Variants in TRIB3 observed in about 807,000 individuals in gnomAD.
TRIB3 encodes the protein tribbles homolog 3.
TRIB3 carries 20 observed loss-of-function variants against 16.6 expected under a neutral mutation model. That is an observed-to-expected ratio of 1.20 (90% confidence interval 0.85 to 1.75). The LOEUF (loss-of-function observed/expected upper bound fraction) is 1.75. Ranked by LOEUF, TRIB3 falls within the 40% of genes most tolerant of loss-of-function variation. The pLI, the probability that TRIB3 is intolerant of heterozygous loss-of-function variation, is 0.00. For synonymous variants in TRIB3, 208 were observed against 217.0 expected (o/e 0.96, Z 0.36); for missense variants, 484 against 488.9 (o/e 0.99, Z 0.10).
chr20:391,647 G>C, intron 3 of TRIB3, 68 bp downstream of exon 3: 1 of 1,539,488 alleles, frequency 6.5e-7, no homozygotes, highest in South Asian at 1.2e-5. Flanking sequence ...GAGAGAAACC[G>C]AGGCCCAGGA....
intron 3 of TRIB3, among the ~76,000 whole-genome samples, chr20:392,810 G>A (rs942101268): frequency 3.3e-5 from 5 of 151,902 alleles, no homozygotes; most frequent in East Asian, 1.9e-4. Context: ...CGCCTGCCTC[G>A]GCCTCCCAAA....
intron 1 of TRIB3, chr20:382,514 C>G: frequency 1.3e-6 from 2 of 1,535,132 alleles, no homozygotes; most frequent in Non-Finnish European, 1.7e-6. Context: ...ATCCCAGCCT[C>G]GAACCTGGGG....
At position 396,484 on chromosome 20, in the gene TRIB3, C is replaced by A. The variant is rs758296486; in HGVS notation, c.871C>A (p.Leu291Met). The stretch of plus-strand genomic sequence containing the variant: ...AGGCCTCTCGGCCCCTGCCCGCTGT[C>A]TGGTTCGCTGCCTCCTTCGTCGGGA... ...PAGLSAPARCLVRCLLRREPA... is the reference protein window; with the variant it reads ...PAGLSAPARCMVRCLLRREPA... The change falls in exon 4 of 4, where the codon CTG (leucine) becomes ATG (methionine). Residue 291 changes from leucine to methionine, a missense_variant. Transcript: ENST00000217233. 2 of 1,612,884 alleles carry A rather than the reference C, an allele frequency of 1.2e-6. No homozygotes were observed. The highest frequency in any genetic ancestry group is 2.7e-5 in the African/African-American group (2 of 74,954).
Position 396,453 on chromosome 20 carries a change from G to C in TRIB3, c.840G>C (p.Leu280Phe), listed in dbSNP as rs1357412885. Residue 280 changes from leucine (L) to phenylalanine (F), a missense_variant, in exon 4 of 4, where the codon TTG (leucine) becomes TTC (phenylalanine). Leu to Phe is a conservative substitution (Grantham distance 22). Coordinates refer to ENST00000217233, the MANE Select transcript of TRIB3 (RefSeq NM_021158.5). ...FGKIRRGAYA[L>F]PAGLSAPARC... ...AGATCCGCCGCGGGGCCTACGCCTT[G>C]CCTGCAGGCCTCTCGGCCCCTGCCC... 6.2e-7 allele frequency: 1 copy of C among 1,612,634 alleles called. No individual in the cohort carries two copies. Among genetic ancestry groups the C allele is most frequent in the Non-Finnish European group, 8.5e-7 (1 of 1,179,994 alleles).
At chr20:391,001 CAAAAAAAAAAAA>C (rs11374668) in intron 2 of TRIB3, among the ~76,000 whole-genome samples, 1 of 85,780 alleles carries the variant, frequency 1.2e-5, no homozygotes, top group African/African-American at 4.4e-5. Context: ...GACTCCGTCT[CAAAAAAAAAAAA>C]AAAAAAAAAA....
chr20:396,566 ACCCGATG>A lies in TRIB3; in HGVS notation c.957_963del (p.Met320Ter), dbSNP rs755926988. On this transcript the variant is annotated frameshift_variant, in exon 4 of 4. Transcript: ENST00000217233. LOFTEE classifies it low-confidence loss of function (END_TRUNC). ...CTCCTGCACCCCTGGCTGCGACAGG[ACCCGATG>A]CCCTTAGCCCCAACCCGATCCCATC... 2.5e-6 allele frequency: 4 copies of A among 1,613,126 alleles called. No individual in the cohort carries two copies. The African/African-American group carries it at 5.3e-5, about 21-fold the overall frequency.
intron 2 of TRIB3, among the ~76,000 whole-genome samples, chr20:389,254 A>G (rs533025543): frequency 6.6e-6 from 1 of 152,308 alleles, no homozygotes; most frequent in African/African-American, 2.4e-5. Context: ...TACTTGCCAC[A>G]TGACAGAGCC....
chr20:396,537 C>T lies in TRIB3; in HGVS notation c.924C>T (p.Gly308=), dbSNP rs1360839919. The change falls in exon 4 of 4, where the codon GGC becomes GGT. Residue 308 remains glycine (G), a synonymous_variant. Transcript: ENST00000217233. ...CAGCTGAACGGCTCACAGCCACAGG[C>T]ATCCTCCTGCACCCCTGGCTGCGAC... ...REPAERLTAT[G]ILLHPWLRQD... 8.1e-6 allele frequency: 13 copies of T among 1,613,058 alleles called. No individual in the cohort carries two copies. The highest frequency in any genetic ancestry group is 1.1e-5 in the Non-Finnish European group (13 of 1,180,044).
intron 2 of TRIB3, among the ~76,000 whole-genome samples, 185 bp from the exon 3 acceptor site, chr20:391,102 C>T (rs138812984): frequency 2.2e-4 from 34 of 151,896 alleles, no homozygotes; most frequent in African/African-American, 8.2e-4. Context: ...CTTCGTTAAC[C>T]GTAAAATGGA....
intron 1 of TRIB3, among the ~76,000 whole-genome samples, chr20:383,561 A>C (rs1342404901): frequency 6.6e-6 from 1 of 151,730 alleles, no homozygotes; most frequent in Non-Finnish European, 1.5e-5. Flanking sequence ...CCCTACTTCA[A>C]CCTCCTGCAT....
At chr20:395,468 C>CT (rs147798995) in intron 3 of TRIB3, among the ~76,000 whole-genome samples, 12,790 of 149,906 alleles carry the variant, frequency 0.085, 686 homozygotes, top group South Asian at 0.27. Context: ...GCCTTACACA[C>CT]TTTTTTTTTT....
intron 3 of TRIB3, among the ~76,000 whole-genome samples, chr20:395,361 G>A (rs893247120): frequency 1.3e-5 from 2 of 151,832 alleles, no homozygotes; most frequent in Non-Finnish European, 2.9e-5. Context: ...GGTTTTTACC[G>A]TGTTGCCCAG....
intron 1 of TRIB3, among the ~76,000 whole-genome samples, chr20:386,570 G>A (rs767880410): frequency 1.1e-4 from 16 of 151,986 alleles, no homozygotes; most frequent in African/African-American, 2.2e-4. Flanking sequence ...CACCACGCCC[G>A]GCTAATTTTT....
chr20:390,152 C>A (rs1004403900), intron 2 of TRIB3, among the ~76,000 whole-genome samples: 1 of 152,038 alleles, frequency 6.6e-6, no homozygotes, highest in African/African-American at 2.4e-5. Flanking sequence ...CATGGTGAAA[C>A]CTTGTTTCTA....
At chr20:382,163 C>T (rs1439750096) in intron 1 of TRIB3, among the ~76,000 whole-genome samples, 1 of 151,898 alleles carries the variant, frequency 6.6e-6, no homozygotes, top group Non-Finnish European at 1.5e-5. Context: ...TGTAACCCGC[C>T]CTCATTTCCC....
chr20:389,557 T>A (rs974808454), intron 2 of TRIB3, among the ~76,000 whole-genome samples: 1 of 152,108 alleles, frequency 6.6e-6, no homozygotes, highest in African/African-American at 2.4e-5. Context: ...GCCCCTAGCT[T>A]CACCTGGCCT....
In TRIB3 at chr20:391,001, C is replaced by CG. The variant is rs747388615; in HGVS notation, c.292-286_292-285insG. Among the ~76,000 whole-genome samples the CG allele has an allele frequency of 3.5e-4, 30 of 85,772 alleles. 3 individuals are homozygous for CG. The highest frequency in any genetic ancestry group is 7.4e-3 in the Middle Eastern group (1 of 136). 56.3% of individuals were successfully genotyped at this position (85,772 alleles called of 152,430 possible). A position where few individuals can be genotyped will look rare whatever the true frequency, so the allele number is the denominator to read the frequency against. On this transcript the variant is annotated intron_variant, in intron 2 of 3. Coordinates refer to ENST00000217233, the MANE Select transcript of TRIB3 (RefSeq NM_021158.5). ...TGGGTGACAGAGCGAGACTCCGTCT[C>CG]AAAAAAAAAAAAAAAAAAAAAAAGC... is the stretch of plus-strand genomic sequence containing the variant.
chr20:381,172 A>G lies in TRIB3; in HGVS notation c.-1+3A>G, dbSNP rs563506632. 6 of 146,342 alleles carry G rather than the reference A, an allele frequency of 4.1e-5. No homozygotes were observed. Among genetic ancestry groups the G allele is most frequent in the African/African-American group, 1.5e-4 (6 of 39,756 alleles). The allele number at this position is 146,342 out of a possible 1,614,324, so 9.1% of individuals were successfully genotyped here. Reference sequence around the variant, plus strand: ...CCCACGCGGAACGACGGGGCGAGGTACTCGGCGGGGTGCGGCCTGCGGACT... The same window carrying G: ...CCCACGCGGAACGACGGGGCGAGGTGCTCGGCGGGGTGCGGCCTGCGGACT... On this transcript the variant is annotated splice_donor_region_variant and intron_variant, in intron 1 of 3. Transcript: ENST00000217233.
intron 3 of TRIB3, among the ~76,000 whole-genome samples, chr20:392,879 A>AAAAG (rs1568536645): frequency 6.6e-6 from 1 of 152,090 alleles, no homozygotes; most frequent in Non-Finnish European, 1.5e-5. Context: ...AAAAATTTTT[A>AAAAG]AAAGATAATT....
Sources: gnomAD v4.1 joint callset for allele counts (sites outside exome capture counted in the v4.1 genomes callset) on GRCh38, gnomAD v4.1.1 for gene constraint, MANE v1.5 for transcripts, NCBI Gene and HGNC (gene_info 2026-07-23, HGNC 2026-07-21) for gene names.